Variants in GALNT13 observed in about 807,000 individuals in gnomAD.
GALNT13 encodes polypeptide N-acetylgalactosaminyltransferase 13.
Under a neutral mutation model 64.2 loss-of-function variants are expected in GALNT13, and 28 were observed. The observed-to-expected ratio is 0.44, with a 90% CI of 0.32 to 0.60. The LOEUF (loss-of-function observed/expected upper bound fraction) is 0.60. GALNT13 is among the 20% of genes least tolerant of loss of function. GALNT13 has a pLI of 0.05. For synonymous variants in GALNT13, 214 were observed against 224.6 expected (o/e 0.95, Z 0.42); for missense variants, 577 against 669.8 (o/e 0.86, Z 1.53).
chr2:153,202,235 C>T, the GALNT13 span, among the ~76,000 whole-genome samples: 4 of 151,834 alleles, frequency 2.6e-5, no homozygotes, highest in Non-Finnish European at 4.4e-5. Flanking sequence ...CCACCCGCCT[C>T]GGCCTCCCAA....
chr2:153,105,429 A>G, the GALNT13 span, among the ~76,000 whole-genome samples: 1 of 152,154 alleles, frequency 6.6e-6, no homozygotes, highest in African/African-American at 2.4e-5. Context: ...CCAAATGGAC[A>G]AAAACTGGAA....
chr2:153,114,613 A>T, the GALNT13 span, among the ~76,000 whole-genome samples: 688 of 152,252 alleles, frequency 4.5e-3, 6 homozygotes, highest in Non-Finnish European at 4.7e-3. Flanking sequence ...ATTGCTTTTG[A>T]CAACTCAGTG....
chr2:153,847,283 C>T, the GALNT13 span, among the ~76,000 whole-genome samples: 1 of 151,946 alleles, frequency 6.6e-6, no homozygotes, highest in African/African-American at 2.4e-5. Context: ...GTAGACAAAA[C>T]TACGGGCAGT....
At chr2:153,669,341 T>C in the GALNT13 span, among the ~76,000 whole-genome samples, 2 of 152,192 alleles carry the variant, frequency 1.3e-5, no homozygotes, top group African/African-American at 4.8e-5. Flanking sequence ...CACCCCACCA[T>C]GCCATTGCTT....
the GALNT13 span, among the ~76,000 whole-genome samples, chr2:153,327,572 G>A: frequency 2.6e-5 from 4 of 151,272 alleles, no homozygotes; most frequent in South Asian, 2.1e-4. Context: ...CCTTTCTTCT[G>A]CTTGATTGAT....
chr2:154,269,926 T>TATTTATATATATGTGTATATA (rs1356571076), intron 8 of GALNT13, among the ~76,000 whole-genome samples: 1 of 33,344 alleles, frequency 3.0e-5, no homozygotes, highest in Non-Finnish European at 7.6e-5. Context: ...ATATATATAT[T>TATTTATATATATGTGTATATA]TCTAAAGCAC....
intron 3 of GALNT13, among the ~76,000 whole-genome samples, chr2:153,972,485 T>G (rs1016190462): frequency 2.0e-5 from 3 of 152,102 alleles, no homozygotes; most frequent in Non-Finnish European, 2.9e-5. Flanking sequence ...GGAAGTCCCC[T>G]TATTAGAAAA....
At chr2:153,593,274 G>A in the GALNT13 span, 1 of 152,390 alleles carries the variant, frequency 6.6e-6, no homozygotes, top group Non-Finnish European at 1.5e-5. Context: ...TTTGCGGTTT[G>A]CGTGAGAGCA....
At chr2:153,152,453 G>A in the GALNT13 span, among the ~76,000 whole-genome samples, 1 of 151,768 alleles carries the variant, frequency 6.6e-6, no homozygotes. Flanking sequence ...GGGTACATGT[G>A]TAGATTTGTG....
At chr2:153,256,961 G>A in the GALNT13 span, among the ~76,000 whole-genome samples, 2 of 152,244 alleles carry the variant, frequency 1.3e-5, no homozygotes, top group Non-Finnish European at 2.9e-5. Context: ...AGGCCTCCTT[G>A]AGCTGTGGTG....
chr2:153,515,645 G>A, the GALNT13 span, among the ~76,000 whole-genome samples: 2 of 152,156 alleles, frequency 1.3e-5, no homozygotes, highest in East Asian at 3.9e-4. Context: ...TTAATAGCTA[G>A]ACGATTAAGT....
the GALNT13 span, among the ~76,000 whole-genome samples, chr2:153,618,185 G>A: frequency 6.6e-6 from 1 of 151,676 alleles, no homozygotes; most frequent in East Asian, 1.9e-4. Context: ...TCTGAGTGCT[G>A]CTTTTGCTGT....
chr2:153,462,401 T>C, the GALNT13 span, among the ~76,000 whole-genome samples: 1 of 152,134 alleles, frequency 6.6e-6, no homozygotes, highest in Non-Finnish European at 1.5e-5. Context: ...GGACCTCTTC[T>C]TTTCATACTC....
chr2:153,285,502 T>G, the GALNT13 span, among the ~76,000 whole-genome samples: 1 of 152,164 alleles, frequency 6.6e-6, no homozygotes, highest in Non-Finnish European at 1.5e-5. Flanking sequence ...GCCACCTAAA[T>G]ACTAAATATA....
At chr2:153,644,515 G>A in the GALNT13 span, among the ~76,000 whole-genome samples, 1 of 151,974 alleles carries the variant, frequency 6.6e-6, no homozygotes, top group African/African-American at 2.4e-5. Context: ...AGTACTAGTA[G>A]AGGGATCTCG....
At chr2:154,184,729 C>G (rs1259910293) in intron 4 of GALNT13, among the ~76,000 whole-genome samples, 5 of 152,070 alleles carry the variant, frequency 3.3e-5, no homozygotes, top group Non-Finnish European at 7.4e-5. Flanking sequence ...TAACAACCAG[C>G]TCACACCAGA....
At chr2:154,270,179 A>T (rs928365052) in intron 8 of GALNT13, among the ~76,000 whole-genome samples, 10 of 151,668 alleles carry the variant, frequency 6.6e-5, no homozygotes, top group African/African-American at 2.4e-4. Flanking sequence ...AGCTTAAGGC[A>T]TCGTAATTTC....
At chr2:153,782,711 T>G in the GALNT13 span, among the ~76,000 whole-genome samples, 4 of 152,176 alleles carry the variant, frequency 2.6e-5, no homozygotes, top group African/African-American at 9.6e-5. Flanking sequence ...CATGGAGTCT[T>G]GGAACAAACC....
the GALNT13 span, among the ~76,000 whole-genome samples, chr2:153,851,979 G>C: frequency 6.6e-6 from 1 of 151,994 alleles, no homozygotes; most frequent in Admixed American, 6.6e-5. Context: ...ATTATTTGAA[G>C]GTGAGACATG....
Sources: gnomAD v4.1 joint callset for allele counts (sites outside exome capture counted in the v4.1 genomes callset) on GRCh38, gnomAD v4.1.1 for gene constraint, MANE v1.5 for transcripts, NCBI Gene and HGNC (gene_info 2026-07-23, HGNC 2026-07-21) for gene names.